The following RUNX1T1 variants were observed in gnomAD, a reference collection of about 807,000 sequenced individuals.
RUNX1T1 encodes RUNX1 partner transcriptional co-repressor 1, also known as protein CBFA2T1.
RUNX1T1 carries 4 observed loss-of-function variants against 62.8 expected under a neutral mutation model. The ratio of observed to expected loss-of-function variants is 0.06; its 90% CI spans 0.03 to 0.15. RUNX1T1 has a LOEUF of 0.15. RUNX1T1 is among the 10% of genes least tolerant of loss of function. The probability of loss-of-function intolerance (pLI) is 1.00; values close to 1 mark genes in which losing one functional copy is unlikely to be tolerated. For synonymous variants in RUNX1T1, 291 were observed against 286.0 expected, an observed-to-expected ratio of 1.02 and a Z score of -0.18; for missense variants, 508 against 754.3, an observed-to-expected ratio of 0.67 and a Z score of 3.82.
At chr8:92,019,497 TAGAG>T (rs1940734944) in intron 1 of RUNX1T1, among the ~76,000 whole-genome samples, 1 of 151,806 alleles carries the variant, frequency 6.6e-6, no homozygotes, top group African/African-American at 2.4e-5. Context: ...AAGAACAAAA[TAGAG>T]AGACAAGAGC....
Position 92,029,769 on chromosome 8 carries a change from A to C in RUNX1T1, c.8-12406T>G, listed in dbSNP as rs191179803. Among the ~76,000 whole-genome samples the C allele has an allele frequency of 3.3e-5, 5 of 152,322 alleles. No individual in the cohort carries two copies. The East Asian group carries it at 9.6e-4, about 29-fold the overall frequency. On this transcript the variant is annotated intron_variant, in intron 1 of 10. Transcript: ENST00000396218. Reference sequence around the variant, plus strand: ...ACACTGCAATCTGTTTACATGAAACAACAGATGAAAACTTCTTGTAAAACC... The same window carrying C: ...ACACTGCAATCTGTTTACATGAAACCACAGATGAAAACTTCTTGTAAAACC...
chr8:92,083,371 CAG>C (rs1835580244), intron 1 of RUNX1T1, among the ~76,000 whole-genome samples: 1 of 152,094 alleles, frequency 6.6e-6, no homozygotes, highest in Admixed American at 6.5e-5. Context: ...GGCTAATATC[CAG>C]AATCTACAAG....
intron 1 of RUNX1T1, among the ~76,000 whole-genome samples, chr8:92,059,326 A>C (rs1056881082): frequency 6.6e-5 from 10 of 152,208 alleles, no homozygotes; most frequent in Non-Finnish European, 1.3e-4. Context: ...CTATTAAAAA[A>C]AAATCCAAGT....
chr8:92,097,378 T>G (rs1837831094), intron 1 of RUNX1T1, among the ~76,000 whole-genome samples: 1 of 152,206 alleles, frequency 6.6e-6, no homozygotes, highest in Non-Finnish European at 1.5e-5. Flanking sequence ...CGTATCACTT[T>G]AGCTCTCATA....
chr8:91,988,705 G>A (rs1425811712), intron 6 of RUNX1T1, among the ~76,000 whole-genome samples: 1 of 152,012 alleles, frequency 6.6e-6, no homozygotes, highest in African/African-American at 2.4e-5. Flanking sequence ...GTAATGCCTG[G>A]AGTAATATTA....
chr8:92,021,079 G>A (rs1488468286), intron 1 of RUNX1T1, among the ~76,000 whole-genome samples: 1 of 152,160 alleles, frequency 6.6e-6, no homozygotes, highest in East Asian at 1.9e-4. Flanking sequence ...AATTATCGAA[G>A]TCTCAGAGAT....
intron 2 of RUNX1T1, chr8:92,071,395 C>T (rs1833646237): frequency 1.3e-5 from 2 of 152,140 alleles, no homozygotes; most frequent in South Asian, 4.1e-4. Context: ...AATAAGAACC[C>T]AACAAACTAA....
intron 9 of RUNX1T1, among the ~76,000 whole-genome samples, chr8:91,972,672 C>T (rs966711610): frequency 2.6e-5 from 4 of 151,976 alleles, no homozygotes; most frequent in Admixed American, 1.3e-4. Flanking sequence ...TTTTTGCTTA[C>T]GATCAAAGCT....
intron 8 of RUNX1T1, among the ~76,000 whole-genome samples, chr8:91,982,236 CAA>C (rs34745107): frequency 0.044 from 3,457 of 79,072 alleles, 104 homozygotes; most frequent in African/African-American, 0.13. Context: ...GACCCTGTCT[CAA>C]AAAAAAAAAA....
chr8:92,005,360 C>T (rs1332917069), intron 4 of RUNX1T1, 63 bp from the exon 6 acceptor site: 4 of 1,471,768 alleles, frequency 2.7e-6, no homozygotes, highest in African/African-American at 2.8e-5. Flanking sequence ...TGTTGACTTA[C>T]TCTGCTTTTC....
chr8:91,961,117 T>C (rs1358483856), intron 10 of RUNX1T1, among the ~76,000 whole-genome samples: 2 of 152,212 alleles, frequency 1.3e-5, no homozygotes, highest in African/African-American at 4.8e-5. Flanking sequence ...TACAACCAAA[T>C]GCTAGGACTG....
intron 1 of RUNX1T1, among the ~76,000 whole-genome samples, chr8:92,026,203 C>T (rs902441366): frequency 3.9e-5 from 6 of 152,112 alleles, no homozygotes; most frequent in African/African-American, 1.2e-4. Flanking sequence ...CAAAGAAATG[C>T]CCCAATAAAC....
At chr8:92,086,036 A>T (rs1836058838) in intron 1 of RUNX1T1, among the ~76,000 whole-genome samples, 1 of 152,204 alleles carries the variant, frequency 6.6e-6, no homozygotes, top group South Asian at 2.1e-4. Context: ...TAGATTTGAA[A>T]AATATCATCA....
chr8:92,023,937 C>A (rs1475125740), intron 1 of RUNX1T1, among the ~76,000 whole-genome samples: 1 of 152,104 alleles, frequency 6.6e-6, no homozygotes, highest in Non-Finnish European at 1.5e-5. Context: ...GAAAACTGCA[C>A]CATCTACTAC....
At chr8:91,998,087 C>A (rs1300737283) in intron 5 of RUNX1T1, among the ~76,000 whole-genome samples, 3 of 152,072 alleles carry the variant, frequency 2.0e-5, no homozygotes, top group Non-Finnish European at 2.9e-5. Flanking sequence ...AATGACTAGA[C>A]ATTGAATCAA....
At chr8:92,075,865 A>G (rs1049822997) in intron 2 of RUNX1T1, 100 bp downstream of exon 2, 2 of 1,166,710 alleles carry the variant, frequency 1.7e-6, no homozygotes, top group South Asian at 1.5e-5. Flanking sequence ...AGAAGGAAGA[A>G]AAAAGAAAAT....
At chr8:92,085,124 G>T (rs548888618) in intron 1 of RUNX1T1, among the ~76,000 whole-genome samples, 2 of 152,244 alleles carry the variant, frequency 1.3e-5, no homozygotes, top group East Asian at 3.9e-4. Flanking sequence ...GGTAGCTAAA[G>T]GAGATAAATG....
chr8:91,977,903 T>A (rs1215476009), intron 8 of RUNX1T1, among the ~76,000 whole-genome samples: 2 of 152,144 alleles, frequency 1.3e-5, no homozygotes, highest in Non-Finnish European at 2.9e-5. Context: ...ATCTCCTGCC[T>A]CAGCCTCCCG....
intron 10 of RUNX1T1, among the ~76,000 whole-genome samples, chr8:91,963,474 A>T (rs779388765): frequency 6.6e-6 from 1 of 151,948 alleles, no homozygotes; most frequent in Non-Finnish European, 1.5e-5. Flanking sequence ...TCATTAGAAA[A>T]CTGAAAGAGC....
Sources: gnomAD v4.1 joint callset for allele counts (sites outside exome capture counted in the v4.1 genomes callset) on GRCh38, gnomAD v4.1.1 for gene constraint, MANE v1.5 for transcripts, NCBI Gene and HGNC (gene_info 2026-07-23, HGNC 2026-07-21) for gene names.